SDC3: variants seen among roughly 807,000 people sequenced by gnomAD.
The protein encoded by SDC3 is syndecan-3.
Under a neutral mutation model 24.4 loss-of-function variants are expected in SDC3, and 13 were observed. That is an observed-to-expected ratio of 0.53 (90% CI 0.35 to 0.85). The LOEUF is 0.85. SDC3 is among the 40% of genes least tolerant of loss of function. The pLI, the probability that SDC3 is intolerant of heterozygous loss-of-function variation, is 0.01. For synonymous variants in SDC3, 295 were observed against 260.9 expected, an observed-to-expected ratio of 1.13 and a Z score of -1.26; for missense variants, 571 against 584.5, an observed-to-expected ratio of 0.98 and a Z score of 0.24.
chr1:30,883,263 G>T (rs976368654), intron 1 of SDC3, among the ~76,000 whole-genome samples: 6 of 152,226 alleles, frequency 3.9e-5, no homozygotes, highest in Non-Finnish European at 8.8e-5. Context: ...AATTAGGTCA[G>T]CAGGCTGGGG....
chr1:30,897,524 G>A (rs1397719753), intron 1 of SDC3, among the ~76,000 whole-genome samples: 1 of 152,200 alleles, frequency 6.6e-6, no homozygotes, highest in East Asian at 1.9e-4. Flanking sequence ...ACAGATCCAT[G>A]TGGAAGCCAG....
At chr1:30,896,768 C>T (rs572494340) in intron 1 of SDC3, among the ~76,000 whole-genome samples, 1 of 152,212 alleles carries the variant, frequency 6.6e-6, no homozygotes, top group South Asian at 2.1e-4. Flanking sequence ...TCGAAACCAG[C>T]CTGGCCAACA....
chr1:30,884,003 G>T (rs931376525), intron 1 of SDC3, among the ~76,000 whole-genome samples: 1 of 152,120 alleles, frequency 6.6e-6, no homozygotes, highest in Non-Finnish European at 1.5e-5. Flanking sequence ...AGGAATGTGG[G>T]CTGGGGCCAA....
chr1:30,887,862 T>C (rs1366847271), intron 1 of SDC3, among the ~76,000 whole-genome samples: 1 of 152,208 alleles, frequency 6.6e-6, no homozygotes, highest in Non-Finnish European at 1.5e-5. Context: ...GGCCCTGCTC[T>C]TCTCTGGCCT....
intron 1 of SDC3, among the ~76,000 whole-genome samples, chr1:30,897,346 G>C (rs543936604): frequency 2.6e-5 from 4 of 152,142 alleles, no homozygotes; most frequent in African/African-American, 4.8e-5. Flanking sequence ...ATGATGACTC[G>C]AGATCAATGC....
intron 1 of SDC3, among the ~76,000 whole-genome samples, chr1:30,904,151 G>A (rs1360751779): frequency 6.6e-6 from 1 of 152,128 alleles, no homozygotes; most frequent in African/African-American, 2.4e-5. Context: ...CTTGTACTCA[G>A]GAGGCAGAGG....
rs1190971423 is a variant in SDC3 at position 30,908,522 on chromosome 1, GCGGCCCCGGCCCCGGCGC to G, written c.47_64del (p.Gly16_Ala21del). 7.7e-4 allele frequency: 741 copies of G among 967,130 alleles called. 5 individuals are homozygous for G. In the African/African-American group the frequency reaches 0.011, roughly 14 times the overall value. 59.9% of individuals were successfully genotyped at this position (967,130 alleles called of 1,614,324 possible). A position where few individuals can be genotyped will look rare whatever the true frequency, so the allele number is the denominator to read the frequency against. ...CAGCCCGCGGGCCCCGGGCCCGGCC[GCGGCCCCGGCCCCGGCGC>G]CGGCCCCGTGGGCGGCCCCGGCACG... On this transcript the variant is annotated inframe_deletion, in exon 1 of 5. Transcript: ENST00000339394.
chr1:30,892,136 C>T (rs997561449), intron 1 of SDC3, among the ~76,000 whole-genome samples: 1 of 152,026 alleles, frequency 6.6e-6, no homozygotes, highest in Non-Finnish European at 1.5e-5. Context: ...GCTCAGAGTC[C>T]AAACACCTGC....
chr1:30,894,420 GTGAGTGTGTGCAT>G (rs1639964164), intron 1 of SDC3, among the ~76,000 whole-genome samples: 1 of 114,106 alleles, frequency 8.8e-6, no homozygotes, highest in African/African-American at 3.5e-5. Context: ...GTGTGTGGGG[GTGAGTGTGTGCAT>G]TGAGTGTGTG....
At chr1:30,874,679 G>A in intron 3 of SDC3, 91 bp from the exon 4 acceptor site, 1 of 1,191,622 alleles carries the variant, frequency 8.4e-7, no homozygotes, top group East Asian at 2.3e-5. Flanking sequence ...CTAACACTTA[G>A]CACTCCCTAC....
Position 30,878,680 on chromosome 1 carries a change from C to T in SDC3, c.199G>A (p.Asp67Asn), listed in dbSNP as rs995505324. ...RPVDLEGSGDDDSFPDDELDD... is the reference protein window; with the variant it reads ...RPVDLEGSGDNDSFPDDELDD... ...AGTTCATCATCGGGAAAGGAGTCAT[C>T]ATCCCCAGAGCCCTCCAGGTCCACG... is the stretch of plus-strand genomic sequence containing the variant. The change falls in exon 2 of 5, where the codon GAT becomes AAT. Residue 67 changes from aspartate to asparagine, a missense_variant. Physicochemically the swap from Asp to Asn is conservative, Grantham distance 23. This residue lies in a region of SDC3 where 497 missense variants were observed against 471.6 expected (regional missense o/e 1.05). Transcript: ENST00000339394. 6.2e-7 allele frequency: 1 copy of T among 1,614,084 alleles called. No homozygotes were observed. Among genetic ancestry groups the T allele is most frequent in the African/African-American group, 1.3e-5 (1 of 74,944 alleles).
Position 30,897,633 on chromosome 1 carries a change from C to A in SDC3, c.138+10816G>T, listed in dbSNP as rs542427271. ...GCCCTACATTCATCCTGTAGGGATA[C>A]CATGCTTTACAGTTAGAAATGTACA... On this transcript the variant is annotated intron_variant, in intron 1 of 4. Coordinates refer to ENST00000339394, the MANE Select transcript of SDC3 (RefSeq NM_014654.4). Among the ~76,000 whole-genome samples the A allele has an allele frequency of 1.4e-4, 22 of 151,920 alleles. No individual in the cohort carries two copies. In the East Asian group the frequency reaches 4.3e-3, roughly 30 times the overall value.
At chr1:30,892,061 C>T (rs1055996565) in intron 1 of SDC3, among the ~76,000 whole-genome samples, 1 of 152,084 alleles carries the variant, frequency 6.6e-6, no homozygotes, top group South Asian at 2.1e-4. Flanking sequence ...GCAGGTCCTG[C>T]GTTCCCCAGG....
chr1:30,904,965 A>T (rs968685519), intron 1 of SDC3, among the ~76,000 whole-genome samples: 1 of 152,200 alleles, frequency 6.6e-6, no homozygotes, highest in Non-Finnish European at 1.5e-5. Context: ...TGAGACAGAA[A>T]GAAATCCCTC....
At chr1:30,883,886 C>A (rs1299089461) in intron 1 of SDC3, among the ~76,000 whole-genome samples, 1 of 152,160 alleles carries the variant, frequency 6.6e-6, no homozygotes, top group Non-Finnish European at 1.5e-5. Context: ...CTCAGCATGG[C>A]CCTCTGGATC....
intron 1 of SDC3, among the ~76,000 whole-genome samples, chr1:30,883,354 C>T (rs887636286): frequency 3.9e-5 from 6 of 152,190 alleles, no homozygotes; most frequent in Non-Finnish European, 7.3e-5. Context: ...TAGTTCTGCC[C>T]GAGCTTCCTT....
At chr1:30,886,131 C>T (rs1253305954) in intron 1 of SDC3, among the ~76,000 whole-genome samples, 1 of 151,930 alleles carries the variant, frequency 6.6e-6, no homozygotes, top group African/African-American at 2.4e-5. Context: ...CCATACTCCT[C>T]CCACACAAAA....
Position 30,870,028 on chromosome 1 carries a change from G to A in SDC3, c.*3183C>T. ...TGCGGGCTTCTATTTACAGGCAAGA[G>A]GCCTGGGGAGGCAAGTCCAGGGTTG... On this transcript the variant is annotated 3_prime_UTR_variant, in exon 5 of 5. Transcript: ENST00000339394. 1 of 397,732 alleles carries A rather than the reference G, an allele frequency of 2.5e-6. No individual in the cohort carries two copies. The highest frequency in any genetic ancestry group is 4.4e-6 in the Non-Finnish European group (1 of 226,058). 24.6% of individuals were successfully genotyped at this position (397,732 alleles called of 1,614,324 possible).
At chr1:30,887,599 C>A (rs1035523274) in intron 1 of SDC3, among the ~76,000 whole-genome samples, 1 of 152,192 alleles carries the variant, frequency 6.6e-6, no homozygotes, top group Non-Finnish European at 1.5e-5. Context: ...AGTCCTCAAT[C>A]GCTTACCACT....
Sources: allele counts gnomAD v4.1 joint callset (sites outside exome capture counted in the v4.1 genomes callset), GRCh38; gene constraint gnomAD v4.1.1; regional missense constraint gnomAD v4.1.1; transcripts MANE v1.5; gene names NCBI Gene and HGNC (gene_info 2026-07-23, HGNC 2026-07-21).